The following FRMD3 variants were observed in gnomAD, a reference collection of about 807,000 sequenced individuals.
FRMD3 encodes the protein FERM domain containing 3.
Under a neutral mutation model 70.2 loss-of-function variants are expected in FRMD3, and 33 were observed. That is an observed-to-expected ratio of 0.47 (90% CI 0.36 to 0.63). FRMD3 has a LOEUF of 0.63. Ranked by LOEUF, FRMD3 falls within the 20% of genes least tolerant of loss-of-function variation. The probability of loss-of-function intolerance (pLI) is 0.00; values close to 1 mark genes in which losing one functional copy is unlikely to be tolerated. For synonymous variants in FRMD3, 279 were observed against 255.9 expected, an observed-to-expected ratio of 1.09 and a Z score of -0.86; for missense variants, 632 against 711.4, an observed-to-expected ratio of 0.89 and a Z score of 1.27.
At position 83,310,614 on chromosome 9, in the gene FRMD3, C is replaced by T. The variant is rs1306376840; in HGVS notation, c.774-66G>A. 2.3e-5 allele frequency: 29 copies of T among 1,255,120 alleles called. No homozygotes were observed. The East Asian group carries it at 6.2e-4, about 27-fold the overall frequency. The allele number at this position is 1,255,120 out of a possible 1,614,324, so 77.7% of individuals were successfully genotyped here. On this transcript the variant is annotated intron_variant, in intron 8 of 13. Transcript: ENST00000304195. ...CAGCTAACCAAGGTACCTGGGTTTC[C>T]CATAGGAATCTGACTCAAAAATGCC...
intron 2 of FRMD3, among the ~76,000 whole-genome samples, chr9:83,385,919 G>A (rs917627042): frequency 3.9e-5 from 6 of 151,964 alleles, no homozygotes; most frequent in Non-Finnish European, 8.8e-5. Flanking sequence ...ACATTTCTAG[G>A]TTTTAGAGGT....
At chr9:83,569,863 G>C in the FRMD3 span, among the ~76,000 whole-genome samples, 193 of 152,226 alleles carry the variant, frequency 1.3e-3, 1 homozygote, top group Non-Finnish European at 2.2e-3. Context: ...AGCTTCAATT[G>C]TATTTCCCAG....
At chr9:83,359,828 G>A (rs1300040751) in intron 3 of FRMD3, among the ~76,000 whole-genome samples, 3 of 152,124 alleles carry the variant, frequency 2.0e-5, no homozygotes, top group Non-Finnish European at 4.4e-5. Flanking sequence ...TCATGACTGC[G>A]TAGAGACCAC....
In FRMD3 at chr9:83,246,293, T is replaced by C; in HGVS notation, c.*1625A>G. 3 of 984,850 alleles carry C rather than the reference T, an allele frequency of 3.0e-6. No homozygotes were observed. The highest frequency in any genetic ancestry group is 3.6e-6 in the Non-Finnish European group (3 of 829,464). The allele number at this position is 984,850 out of a possible 1,614,324, so 61.0% of individuals were successfully genotyped here. ...CTCCATGGCATAAGTTCTAGACTCT[T>C]ATCTTTCTCCCACATAACACAGTAT... On this transcript the variant is annotated 3_prime_UTR_variant, in exon 14 of 14. Coordinates refer to ENST00000304195, the MANE Select transcript of FRMD3 (RefSeq NM_174938.6).
intron 6 of FRMD3, among the ~76,000 whole-genome samples, chr9:83,331,217 G>A (rs938831753): frequency 6.6e-6 from 1 of 152,138 alleles, no homozygotes; most frequent in Non-Finnish European, 1.5e-5. Context: ...TCTTTCAGCA[G>A]GTAAATGGAT....
At chr9:83,484,486 C>T (rs1283632162) in intron 1 of FRMD3, among the ~76,000 whole-genome samples, 4 of 152,094 alleles carry the variant, frequency 2.6e-5, no homozygotes, top group African/African-American at 7.2e-5. Flanking sequence ...GGCATGATCT[C>T]GGCTCTCTGT....
intron 1 of FRMD3, among the ~76,000 whole-genome samples, chr9:83,482,900 T>C (rs962003991): frequency 3.3e-5 from 5 of 151,976 alleles, no homozygotes; most frequent in African/African-American, 1.2e-4. Context: ...ATATAAGAAG[T>C]GGAAGTTTAG....
intron 13 of FRMD3, among the ~76,000 whole-genome samples, chr9:83,255,225 C>A (rs966713822): frequency 2.0e-5 from 3 of 152,170 alleles, no homozygotes; most frequent in African/African-American, 7.2e-5. Flanking sequence ...GTTGGTTCAA[C>A]ATACACAAAT....
chr9:83,475,403 T>C (rs1828371964), intron 1 of FRMD3, among the ~76,000 whole-genome samples: 1 of 151,966 alleles, frequency 6.6e-6, no homozygotes, highest in African/African-American at 2.4e-5. Context: ...AAGAGAGAAT[T>C]GGTGATCTAG....
At chr9:83,265,651 CACTGATAA>C (rs1163801009) in intron 13 of FRMD3, among the ~76,000 whole-genome samples, 1 of 152,190 alleles carries the variant, frequency 6.6e-6, no homozygotes, top group Admixed American at 6.5e-5. Context: ...TCCTCATCTT[CACTGATAA>C]AAAGGGATAT....
intron 13 of FRMD3, among the ~76,000 whole-genome samples, chr9:83,269,344 A>G (rs1232500397): frequency 1.3e-5 from 2 of 152,238 alleles, no homozygotes; most frequent in African/African-American, 4.8e-5. Flanking sequence ...AACTATCACC[A>G]TATTTTATTT....
chr9:83,283,539 AAAAAAAAAAT>A (rs770402200), intron 13 of FRMD3, among the ~76,000 whole-genome samples: 6,368 of 45,064 alleles, frequency 0.14, 197 homozygotes, highest in Non-Finnish European at 0.26. Context: ...TCAAAAAAAA[AAAAAAAAAAT>A]AATAATAATA....
chr9:83,270,153 C>A (rs1011813574), intron 13 of FRMD3, among the ~76,000 whole-genome samples: 1 of 152,222 alleles, frequency 6.6e-6, no homozygotes, highest in African/African-American at 2.4e-5. Context: ...CCCTTGAATA[C>A]TGTTCCTGTT....
At chr9:83,358,850 C>T (rs946096391) in intron 3 of FRMD3, among the ~76,000 whole-genome samples, 17 of 152,080 alleles carry the variant, frequency 1.1e-4, no homozygotes, top group Admixed American at 5.2e-4. Context: ...TGATATGGTT[C>T]GAAAGCACAA....
chr9:83,378,266 T>G (rs912531359), intron 2 of FRMD3, among the ~76,000 whole-genome samples: 3 of 141,766 alleles, frequency 2.1e-5, no homozygotes, highest in Admixed American at 7.0e-5. Flanking sequence ...TTTTTGTTTT[T>G]TTTGTTTTTT....
chr9:83,494,114 T>C (rs1048594827), intron 1 of FRMD3, among the ~76,000 whole-genome samples: 17 of 152,070 alleles, frequency 1.1e-4, no homozygotes, highest in African/African-American at 2.9e-4. Flanking sequence ...GTGCCAACAA[T>C]GAAATGGGTG....
intron 4 of FRMD3, among the ~76,000 whole-genome samples, chr9:83,349,198 C>T (rs549507972): frequency 7.2e-5 from 11 of 152,250 alleles, no homozygotes; most frequent in Admixed American, 3.9e-4. Flanking sequence ...CTCAAAAATT[C>T]GGAGAGTTGG....
chr9:83,462,645 T>A (rs1195295698), intron 1 of FRMD3, among the ~76,000 whole-genome samples: 2 of 152,208 alleles, frequency 1.3e-5, no homozygotes, highest in African/African-American at 4.8e-5. Flanking sequence ...AAGGCTCTTA[T>A]TTCCATCCAT....
intron 13 of FRMD3, among the ~76,000 whole-genome samples, chr9:83,274,029 C>T (rs913415935): frequency 4.7e-4 from 71 of 152,112 alleles, no homozygotes; most frequent in African/African-American, 1.6e-3. Flanking sequence ...CTAGGTTTCT[C>T]AGGCTGGTCT....
Sources: gnomAD v4.1 joint callset for allele counts (sites outside exome capture counted in the v4.1 genomes callset) on GRCh38, gnomAD v4.1.1 for gene constraint, MANE v1.5 for transcripts, NCBI Gene and HGNC (gene_info 2026-07-23, HGNC 2026-07-21) for gene names.